Variants in PSMA1 observed in about 807,000 individuals in gnomAD.
PSMA1 encodes proteasome 20S subunit alpha 1.
In PSMA1, 3 loss-of-function variants were observed where a neutral mutation model predicts 38.4. The ratio of observed to expected loss-of-function variants is 0.08; its 90% CI spans 0.04 to 0.20. The LOEUF is 0.20. Among genes scored for constraint, PSMA1 ranks in the 10% least tolerant of loss-of-function variants. The pLI is 1.00. For synonymous variants in PSMA1, 101 were observed against 107.1 expected (o/e 0.94, Z 0.35); for missense variants, 227 against 325.3 (o/e 0.70, Z 2.32).
intron 2 of PSMA1, among the ~76,000 whole-genome samples, chr11:14,552,453 C>A (rs138848136): frequency 9.1e-4 from 139 of 152,208 alleles, no homozygotes; most frequent in African/African-American, 3.1e-3. Flanking sequence ...TCTGAAATTG[C>A]GGCTGAGATT....
At chr11:14,555,439 C>A (rs1244179116) in intron 2 of PSMA1, among the ~76,000 whole-genome samples, 21 of 151,978 alleles carry the variant, frequency 1.4e-4, no homozygotes, top group Non-Finnish European at 1.5e-5. Flanking sequence ...TACAAGAATT[C>A]TTCAGGCATC....
intron 1 of PSMA1, among the ~76,000 whole-genome samples, chr11:14,639,387 A>G (rs998460601): frequency 6.6e-6 from 1 of 152,238 alleles, no homozygotes; most frequent in Non-Finnish European, 1.5e-5. Context: ...TCATTGACTA[A>G]TAAAGCCAAA....
rs1462508570 is a variant in PSMA1, at chr11:14,507,700, G to C, written c.691C>G (p.Pro231Ala). 1 of 1,613,102 alleles carries C rather than the reference G, an allele frequency of 6.2e-7. No individual in the cohort carries two copies. The highest frequency in any genetic ancestry group is 1.7e-5 in the Admixed American group (1 of 59,956). Residue 231 changes from proline (P) to alanine (A), a missense_variant, in exon 9 of 10, where the codon CCA (proline) becomes GCA (alanine). Physicochemically the swap from Pro to Ala is conservative, Grantham distance 27. Coordinates refer to ENST00000396394, the MANE Select transcript of PSMA1 (RefSeq NM_002786.4). ...FTIYDDDDVS[P>A]FLEGLEERPQ... is the part of the protein sequence containing the mutation. ...CTTTCTTCAAGACCTTCCAGGAATG[G>C]AGACACATCATCATCATCATAGATT...
chr11:14,568,408 T>G (rs561738832), intron 2 of PSMA1, among the ~76,000 whole-genome samples: 146 of 152,338 alleles, frequency 9.6e-4, no homozygotes, highest in African/African-American at 3.4e-3. Context: ...AAATATAAGA[T>G]AGGCTACATT....
intron 2 of PSMA1, among the ~76,000 whole-genome samples, chr11:14,592,370 C>A (rs1220917342): frequency 9.0e-6 from 1 of 111,236 alleles, no homozygotes; most frequent in Non-Finnish European, 1.8e-5. Flanking sequence ...CTCTCTCTCT[C>A]TCTCTCTATA....
intron 2 of PSMA1, among the ~76,000 whole-genome samples, chr11:14,538,263 G>A (rs1452069691): frequency 6.6e-6 from 1 of 152,134 alleles, no homozygotes; most frequent in Non-Finnish European, 1.5e-5. Flanking sequence ...AAGAATACGT[G>A]TAGTGGATGT....
At chr11:14,518,698 C>T (rs940956325) in intron 2 of PSMA1, among the ~76,000 whole-genome samples, 1 of 152,166 alleles carries the variant, frequency 6.6e-6, no homozygotes, top group African/African-American at 2.4e-5. Context: ...CCCACTGCCA[C>T]CCCCTACCCT....
intron 1 of PSMA1, among the ~76,000 whole-genome samples, chr11:14,624,049 A>T (rs1852882695): frequency 6.6e-6 from 1 of 152,246 alleles, no homozygotes; most frequent in South Asian, 2.1e-4. Flanking sequence ...ACATTTGAAC[A>T]GGTGACCCAT....
At chr11:14,627,349 C>T (rs900582680) in intron 1 of PSMA1, among the ~76,000 whole-genome samples, 1 of 152,148 alleles carries the variant, frequency 6.6e-6, no homozygotes, top group Non-Finnish European at 1.5e-5. Flanking sequence ...ACTTGAGGTG[C>T]TTGGTAGAAA....
At chr11:14,584,667 C>T (rs1230554511) in intron 2 of PSMA1, among the ~76,000 whole-genome samples, 5 of 152,112 alleles carry the variant, frequency 3.3e-5, no homozygotes, top group Admixed American at 2.6e-4. Context: ...TCTCATATCC[C>T]CCTTCCTGAT....
chr11:14,507,626 A>G (rs1390938876), intron 9 of PSMA1, 30 bp downstream of exon 9: 1 of 1,426,260 alleles, frequency 7.0e-7, no homozygotes, highest in Admixed American at 1.7e-5. Flanking sequence ...TTACAATAGA[A>G]CTAAAGCCTC....
At chr11:14,554,348 A>C (rs1034103293) in intron 2 of PSMA1, among the ~76,000 whole-genome samples, 1 of 152,198 alleles carries the variant, frequency 6.6e-6, no homozygotes, top group Non-Finnish European at 1.5e-5. Flanking sequence ...TTTTCTCTTA[A>C]GGATCATTTC....
chr11:14,623,334 T>C (rs1205211585), intron 1 of PSMA1, among the ~76,000 whole-genome samples: 1 of 152,166 alleles, frequency 6.6e-6, no homozygotes, highest in African/African-American at 2.4e-5. Flanking sequence ...AAATGGACCA[T>C]GGCTGCATTA....
At chr11:14,532,917 A>T (rs937017000) in intron 2 of PSMA1, among the ~76,000 whole-genome samples, 5 of 152,174 alleles carry the variant, frequency 3.3e-5, no homozygotes, top group African/African-American at 9.7e-5. Context: ...AAAAAAATCT[A>T]AAAATAGCTG....
At chr11:14,513,929 A>G in intron 5 of PSMA1, 42 bp from the exon 6 acceptor site, 1 of 1,544,854 alleles carries the variant, frequency 6.5e-7, no homozygotes, top group South Asian at 1.2e-5. Context: ...GGAATGAAGT[A>G]CTGTCTTTAT....
At chr11:14,557,237 TTTTAA>T (rs1271887640) in intron 2 of PSMA1, among the ~76,000 whole-genome samples, 1 of 152,188 alleles carries the variant, frequency 6.6e-6, no homozygotes, top group African/African-American at 2.4e-5. Context: ...TAACTTTATC[TTTTAA>T]TTTTTCTTTT....
At chr11:14,506,182 G>T (rs1002429200) in intron 9 of PSMA1, among the ~76,000 whole-genome samples, 3 of 152,068 alleles carry the variant, frequency 2.0e-5, no homozygotes, top group Admixed American at 2.0e-4. Flanking sequence ...ACTGTTCGAG[G>T]ATAACTGTAT....
intron 1 of PSMA1, among the ~76,000 whole-genome samples, chr11:14,627,193 G>C (rs1337744367): frequency 6.6e-6 from 1 of 152,154 alleles, no homozygotes. Flanking sequence ...ACTGGGGTTA[G>C]GGTTTCAAAA....
intron 2 of PSMA1, among the ~76,000 whole-genome samples, chr11:14,570,572 G>C (rs1401562835): frequency 6.6e-6 from 1 of 152,230 alleles, no homozygotes; most frequent in East Asian, 1.9e-4. Context: ...GCATGCAGAA[G>C]CTTCAGTAGC....
Sources: gnomAD v4.1 joint callset for allele counts (sites outside exome capture counted in the v4.1 genomes callset) on GRCh38, gnomAD v4.1.1 for gene constraint, MANE v1.5 for transcripts, NCBI Gene and HGNC (gene_info 2026-07-23, HGNC 2026-07-21) for gene names.